The following ANO4 variants were observed in gnomAD, a reference collection of about 807,000 sequenced individuals.
The protein encoded by ANO4 is anoctamin 4, also known as anoctamin-4.
ANO4 carries 69 observed loss-of-function variants against 141.9 expected under a neutral mutation model. The ratio of observed to expected loss-of-function variants is 0.49; its 90% CI spans 0.40 to 0.59. ANO4 has a LOEUF of 0.59. Among genes scored for constraint, ANO4 ranks in the 20% least tolerant of loss-of-function variants. The pLI is 0.00. For synonymous variants in ANO4, 350 were observed against 394.3 expected (o/e 0.89, Z 1.33); for missense variants, 894 against 1,162.2 (o/e 0.77, Z 3.36).
intron 1 of ANO4, among the ~76,000 whole-genome samples, chr12:100,858,518 C>T (rs1040519022): frequency 2.0e-5 from 3 of 151,988 alleles, no homozygotes; most frequent in African/African-American, 7.2e-5. Context: ...TACTTAGTAT[C>T]CTTTGCTTCT....
upstream of ANO4, among the ~76,000 whole-genome samples, chr12:100,791,396 C>T (rs540736120): frequency 3.3e-5 from 5 of 152,054 alleles, no homozygotes; most frequent in Admixed American, 6.5e-5. Flanking sequence ...GATGGCAGAG[C>T]GAGACTCTGT....
At chr12:100,763,663 G>C (rs576139845) in intron 3 of ANO4, among the ~76,000 whole-genome samples, 34 of 152,286 alleles carry the variant, frequency 2.2e-4, no homozygotes, top group Non-Finnish European at 4.1e-4. Context: ...CTGGTATACT[G>C]CTCCCTTTTC....
At position 101,082,942 on chromosome 12, in the gene ANO4, T is replaced by TA. The variant is rs532882080; in HGVS notation, c.1396-736_1396-735insA. Among the ~76,000 whole-genome samples, 149 of 152,250 alleles carry TA rather than the reference T, an allele frequency of 9.8e-4. 1 individual carries two copies. Among genetic ancestry groups the TA allele is most frequent in the Non-Finnish European group, 1.7e-3 (115 of 68,040 alleles). On this transcript the variant is annotated intron_variant, in intron 15 of 27. Coordinates refer to ENST00000392977, the MANE Select transcript of ANO4 (RefSeq NM_001286615.2). ...ATCAGGTTCCCTTGCTGATTGCCTT[T>TA]TCCTAATCTCATAATTGGTTTTTAG...
chr12:101,097,566 T>G, intron 19 of ANO4, 85 bp from the exon 20 acceptor site: 2 of 1,305,094 alleles, frequency 1.5e-6, no homozygotes, highest in African/African-American at 1.5e-5. Flanking sequence ...TCATTCACAT[T>G]GGAGAATGTG....
intron 14 of ANO4, among the ~76,000 whole-genome samples, chr12:101,072,934 A>G (rs145146942): frequency 0.012 from 1,883 of 152,314 alleles, 23 homozygotes; most frequent in Non-Finnish European, 0.02. Flanking sequence ...TCAGGAAACA[A>G]CAGATGCTGG....
At chr12:100,972,626 A>T (rs1478760850) in intron 6 of ANO4, among the ~76,000 whole-genome samples, 2 of 152,202 alleles carry the variant, frequency 1.3e-5, no homozygotes, top group African/African-American at 4.8e-5. Flanking sequence ...GTCAATTTAG[A>T]TTCCACTGAA....
chr12:100,797,307 A>G (rs907326210), intron 1 of ANO4, among the ~76,000 whole-genome samples: 2 of 132,684 alleles, frequency 1.5e-5, no homozygotes, highest in African/African-American at 5.8e-5. Flanking sequence ...GGATTTCCCC[A>G]CTTCCTAGAC....
intron 1 of ANO4, among the ~76,000 whole-genome samples, chr12:100,888,180 A>T (rs2039931175): frequency 1.3e-5 from 2 of 152,242 alleles, no homozygotes; most frequent in Admixed American, 6.5e-5. Context: ...TGAGAACCTT[A>T]CAAGGAGGTT....
intron 2 of ANO4, among the ~76,000 whole-genome samples, chr12:100,737,434 C>T (rs777804914): frequency 5.3e-5 from 8 of 152,164 alleles, no homozygotes; most frequent in East Asian, 3.9e-4. Flanking sequence ...GGCAGGTCTG[C>T]GTCCCAAGAC....
At chr12:101,096,205 G>A (rs564356460) in intron 18 of ANO4, among the ~76,000 whole-genome samples, 1 of 152,320 alleles carries the variant, frequency 6.6e-6, no homozygotes, top group African/African-American at 2.4e-5. Flanking sequence ...CTACTGCAGA[G>A]AGCCACGACT....
rs1418127548 is a variant in ANO4 at position 100,765,559 on chromosome 12, G to GT, written c.358+25460dup. On this transcript the variant is annotated intron_variant, in intron 3 of 29. Transcript: ENST00000644049. ...ATGCCTGGCTAATATTTTTAATTTT[G>GT]TTTTTTGTAGAGACAAGGTCTTGCC... Among the ~76,000 whole-genome samples, 6 of 150,870 alleles carry GT rather than the reference G, an allele frequency of 4.0e-5. No homozygotes were observed. The East Asian group carries it at 5.8e-4, about 15-fold the overall frequency.
intron 17 of ANO4, among the ~76,000 whole-genome samples, chr12:101,089,791 A>G (rs930189630): frequency 4.6e-5 from 7 of 152,226 alleles, no homozygotes; most frequent in African/African-American, 1.7e-4. Context: ...AAAAGAAACT[A>G]TCATCAGAGT....
intron 26 of ANO4, among the ~76,000 whole-genome samples, chr12:101,124,403 C>A (rs2051223152): frequency 3.9e-5 from 6 of 152,078 alleles, no homozygotes; most frequent in Admixed American, 3.3e-4. Context: ...CAAAAATGTT[C>A]TCCCATTCTA....
chr12:100,977,831 G>A (rs894935471), intron 7 of ANO4, among the ~76,000 whole-genome samples: 1 of 152,158 alleles, frequency 6.6e-6, no homozygotes, highest in Non-Finnish European at 1.5e-5. Flanking sequence ...CTTAATTACA[G>A]CCCTTTATAA....
rs1003004058 is a variant in ANO4, at chr12:101,018,958, A to G, written c.735-1076A>G. ...CAGTAAACATTTGACGAACAAATGA[A>G]AAAAAAATGACAATATGGAATGATC... On this transcript the variant is annotated intron_variant, in intron 8 of 27. Transcript: ENST00000392977. Among the ~76,000 whole-genome samples, 7 of 152,228 alleles carry G rather than the reference A, an allele frequency of 4.6e-5. No individual in the cohort carries two copies. The East Asian group carries it at 1.4e-3, about 29-fold the overall frequency.
intron 9 of ANO4, among the ~76,000 whole-genome samples, chr12:101,021,662 TGAC>T (rs1204067859): frequency 1.3e-5 from 2 of 152,222 alleles, no homozygotes; most frequent in Non-Finnish European, 2.9e-5. Context: ...TCCAGCAAGA[TGAC>T]ATTTAATAAT....
chr12:100,758,782 T>C (rs1345327437), intron 3 of ANO4, among the ~76,000 whole-genome samples: 1 of 152,192 alleles, frequency 6.6e-6, no homozygotes, highest in Admixed American at 6.5e-5. Flanking sequence ...CTCTGCTCTC[T>C]CTGAAGATTC....
intron 1 of ANO4, among the ~76,000 whole-genome samples, chr12:100,726,396 G>A (rs1209978694): frequency 6.6e-6 from 1 of 152,122 alleles, no homozygotes; most frequent in Non-Finnish European, 1.5e-5. Flanking sequence ...CTCCCTTCCT[G>A]ATTACACTTG....
chr12:100,925,895 G>A (rs1265791315), intron 3 of ANO4, among the ~76,000 whole-genome samples: 2 of 151,158 alleles, frequency 1.3e-5, no homozygotes, highest in African/African-American at 4.9e-5. Flanking sequence ...CAAGCTAGAA[G>A]TGCATATGTG....
Sources: allele counts gnomAD v4.1 joint callset (sites outside exome capture counted in the v4.1 genomes callset), GRCh38; gene constraint gnomAD v4.1.1; transcripts MANE v1.5; gene names NCBI Gene and HGNC (gene_info 2026-07-23, HGNC 2026-07-21).